The following SPNS2 variants were observed in gnomAD, a reference collection of about 807,000 sequenced individuals.
SPNS2 encodes the protein sphingosine-1-phosphate transporter SPNS2.
In SPNS2, 37 loss-of-function variants were observed where a neutral mutation model predicts 57.6. That is an observed-to-expected ratio of 0.64 (90% confidence interval 0.49 to 0.85). The LOEUF (loss-of-function observed/expected upper bound fraction) is 0.85. SPNS2 is among the 40% of genes least tolerant of loss of function. The probability of loss-of-function intolerance (pLI) is 0.00; values close to 1 mark genes in which losing one functional copy is unlikely to be tolerated. For missense variants in SPNS2, 831 were observed against 779.1 expected (o/e 1.07, Z -0.79); for synonymous variants, 440 against 346.9 (o/e 1.27, Z -2.98).
At chr17:4,536,734 T>TCTCTC in intron 11 of SPNS2, 166 bp from the exon 12 acceptor site, 1 of 667,092 alleles carries the variant, frequency 1.5e-6, no homozygotes, top group Non-Finnish European at 2.6e-6. Flanking sequence ...TACTCCTCTC[T>TCTCTC]CTCTCCTCTC....
At chr17:4,536,849 GCCCGGCCCCCGCTGATGCACCAC>G (rs759149662) in intron 11 of SPNS2, 28 bp from the exon 12 acceptor site, 2 of 1,508,216 alleles carry the variant, frequency 1.3e-6, no homozygotes, top group Non-Finnish European at 1.8e-6. Context: ...CAGTGCCCGG[GCCCGGCCCCCGCTGATGCACCAC>G]CCTGACCCCC....
At position 4,538,099 on chromosome 17, in the gene SPNS2, G is replaced by A. The variant is rs1368674943; in HGVS notation, c.*651G>A. The A allele has an allele frequency of 3.0e-6, 1 of 334,232 alleles. No individual in the cohort carries two copies. The highest frequency in any genetic ancestry group is 2.2e-5 in the African/African-American group (1 of 46,458). 20.7% of individuals were successfully genotyped at this position (334,232 alleles called of 1,614,324 possible). On this transcript the variant is annotated 3_prime_UTR_variant, in exon 13 of 13. Transcript: ENST00000329078. ...GTCTCGGGTTGGCTCCCAGCCTGGAGGTCCCAGATGGGGACTGTTCTGACA... is the reference window on the plus strand; with the variant it reads ...GTCTCGGGTTGGCTCCCAGCCTGGAAGTCCCAGATGGGGACTGTTCTGACA...
intron 4 of SPNS2, 113 bp from the exon 5 acceptor site, chr17:4,530,940 C>G: frequency 6.7e-7 from 1 of 1,492,736 alleles, no homozygotes; most frequent in African/African-American, 1.4e-5. Context: ...GGACCTGCTC[C>G]CTGGCCAGCT....
chr17:4,538,801 T>TG lies in SPNS2; in HGVS notation c.*1357dup. 1.3e-6 allele frequency: 1 copy of TG among 758,828 alleles called. No individual in the cohort carries two copies. The highest frequency in any genetic ancestry group is 2.4e-6 in the Non-Finnish European group (1 of 411,686). The allele number at this position is 758,828 out of a possible 1,614,324, so 47.0% of individuals were successfully genotyped here. On this transcript the variant is annotated 3_prime_UTR_variant, in exon 13 of 13. Transcript: ENST00000329078. ...GTACCCCGAGGGCCTGACAAGAGGA[T>TG]GGGGTGGGGGTGGCATCCTCCAAAG... is the stretch of plus-strand genomic sequence containing the variant.
chr17:4,501,639 T>C (rs1464847170), intron 1 of SPNS2, among the ~76,000 whole-genome samples: 1 of 152,144 alleles, frequency 6.6e-6, no homozygotes, highest in Non-Finnish European at 1.5e-5. Context: ...CTCTCTATGG[T>C]AGATTTCCCC....
chr17:4,535,268 A>G (rs1052458888), intron 9 of SPNS2, among the ~76,000 whole-genome samples: 1 of 152,040 alleles, frequency 6.6e-6, no homozygotes, highest in South Asian at 2.1e-4. Flanking sequence ...GGGGCCCAGC[A>G]GTGCCGGCAT....
intron 1 of SPNS2, among the ~76,000 whole-genome samples, chr17:4,506,739 G>C (rs775953234): frequency 5.3e-5 from 8 of 152,130 alleles, no homozygotes; most frequent in Non-Finnish European, 1.0e-4. Flanking sequence ...GCTCTGGGCT[G>C]GGGGCCTCAT....
intron 2 of SPNS2, among the ~76,000 whole-genome samples, chr17:4,523,629 G>A (rs1175992658): frequency 6.6e-6 from 1 of 152,134 alleles, no homozygotes; most frequent in East Asian, 1.9e-4. Flanking sequence ...TCAGCAGAGC[G>A]TGATGGTGTG....
chr17:4,511,066 C>T lies in SPNS2; in HGVS notation c.371-2181C>T, dbSNP rs957878538. ...CGTCTGTACCATCTTCAAAGCCTCA[C>T]GCAGTTCCTTGGAACTTAGCGGGAA... On this transcript the variant is annotated intron_variant, in intron 1 of 12. Transcript: ENST00000329078. This position sits in a 1 kb window ranked among gnomAD's most constrained non-coding sequence, Gnocchi z 4.6. Among the ~76,000 whole-genome samples, 30 of 152,246 alleles carry T rather than the reference C, an allele frequency of 2.0e-4. No homozygotes were observed. The highest frequency in any genetic ancestry group is 4.4e-5 in the Non-Finnish European group (3 of 68,050).
chr17:4,502,087 T>C (rs1471738728), intron 1 of SPNS2, among the ~76,000 whole-genome samples: 2 of 152,120 alleles, frequency 1.3e-5, no homozygotes, highest in Non-Finnish European at 2.9e-5. Flanking sequence ...AATATAAAAG[T>C]TGTTAGGGCT....
intron 9 of SPNS2, 67 bp downstream of exon 9, chr17:4,533,920 T>TGGGGGTG: frequency 1.1e-6 from 1 of 938,030 alleles, no homozygotes. Context: ...CAGGGGTGCC[T>TGGGGGTG]GGGGAGGGCG....
At chr17:4,525,618 C>T (rs188668078) in intron 3 of SPNS2, among the ~76,000 whole-genome samples, 4 of 152,318 alleles carry the variant, frequency 2.6e-5, no homozygotes, top group Non-Finnish European at 4.4e-5. Flanking sequence ...CTTCTTAGAT[C>T]GACATCCCAG....
At chr17:4,502,517 C>T (rs538432781) in intron 1 of SPNS2, among the ~76,000 whole-genome samples, 1 of 152,160 alleles carries the variant, frequency 6.6e-6, no homozygotes, top group Non-Finnish European at 1.5e-5. Flanking sequence ...TCACGGTGGC[C>T]AGGGGCCACT....
At chr17:4,518,408 C>T (rs560350869) in intron 2 of SPNS2, among the ~76,000 whole-genome samples, 84 of 152,200 alleles carry the variant, frequency 5.5e-4, no homozygotes, top group African/African-American at 1.8e-3. Context: ...CCTGTAATCC[C>T]GCTACTCGGG....
At chr17:4,500,505 G>A (rs1904452731) in intron 1 of SPNS2, among the ~76,000 whole-genome samples, 1 of 152,140 alleles carries the variant, frequency 6.6e-6, no homozygotes, top group Non-Finnish European at 1.5e-5. Flanking sequence ...CCTGCAGGAG[G>A]AGAGCAGTAC....
rs771352142 is a variant in SPNS2 at position 4,537,500 on chromosome 17, G to A, written c.*52G>A. 2 of 456,828 alleles carry A rather than the reference G, an allele frequency of 4.4e-6. No individual in the cohort carries two copies. Among genetic ancestry groups the A allele is most frequent in the South Asian group, 3.1e-5 (2 of 64,576 alleles). 28.3% of individuals were successfully genotyped at this position (456,828 alleles called of 1,614,324 possible). ...CCCACACTCCCACCTCGTCTGGGAG[G>A]TGTCCTACAGCGTCCGGGACCGGCT... On this transcript the variant is annotated 3_prime_UTR_variant, in exon 13 of 13. Coordinates refer to ENST00000329078, the MANE Select transcript of SPNS2 (RefSeq NM_001124758.3).
At chr17:4,513,636 C>G (rs1162450197) in intron 2 of SPNS2, among the ~76,000 whole-genome samples, 3 of 152,200 alleles carry the variant, frequency 2.0e-5, no homozygotes, top group Admixed American at 2.0e-4. Context: ...AGGCTCCCTC[C>G]TGAGGCTGGT....
chr17:4,518,646 C>T (rs1905059414), intron 2 of SPNS2, among the ~76,000 whole-genome samples: 1 of 152,154 alleles, frequency 6.6e-6, no homozygotes. Flanking sequence ...TTTGTAGGCT[C>T]ACGAGGAAGT....
chr17:4,533,467 C>G lies in SPNS2; in HGVS notation c.1278+35C>G, dbSNP rs969926700. The G allele has an allele frequency of 2.6e-6, 4 of 1,552,374 alleles. No individual in the cohort carries two copies. The African/African-American group carries it at 4.1e-5, about 16-fold the overall frequency. ...GCGGGGGTCAAGGGTGCTGGGGGAG[C>G]TGGGCCTGGGCCGCGGGAGGGTCTG... On this transcript the variant is annotated intron_variant, in intron 8 of 12. Transcript: ENST00000329078.
Sources: gnomAD v4.1 joint callset for allele counts (sites outside exome capture counted in the v4.1 genomes callset) on GRCh38, gnomAD v4.1.1 for gene constraint, Gnocchi (gnomAD v3.1) non-coding constraint, MANE v1.5 for transcripts, NCBI Gene and HGNC (gene_info 2026-07-23, HGNC 2026-07-21) for gene names.